The following ILKAP variants were observed in gnomAD, a reference collection of about 807,000 sequenced individuals.
The protein encoded by ILKAP is ILK associated serine/threonine phosphatase.
In ILKAP, 11 loss-of-function variants were observed where a neutral mutation model predicts 49.1. That is an observed-to-expected ratio of 0.22 (90% CI 0.14 to 0.37). ILKAP has a LOEUF of 0.37. ILKAP is among the 10% of genes least tolerant of loss of function. ILKAP has a pLI of 1.00. For synonymous variants in ILKAP, 186 were observed against 192.8 expected, an observed-to-expected ratio of 0.96 and a Z score of 0.29; for missense variants, 363 against 510.8, an observed-to-expected ratio of 0.71 and a Z score of 2.79.
At chr2:238,188,074 C>T in intron 5 of ILKAP, 57 bp downstream of exon 5, 1 of 1,588,756 alleles carries the variant, frequency 6.3e-7, no homozygotes, top group East Asian at 2.3e-5. Context: ...TCCAAAATGC[C>T]AGTCAGAACC....
intron 9 of ILKAP, among the ~76,000 whole-genome samples, chr2:238,174,176 G>A (rs1412485285): frequency 1.3e-5 from 2 of 152,180 alleles, no homozygotes; most frequent in South Asian, 2.1e-4. Context: ...GTACAGGTAC[G>A]GTTTAATGTT....
At chr2:238,187,453 T>TAATATATACTATTA (rs71043113) in intron 5 of ILKAP, among the ~76,000 whole-genome samples, 1 of 151,894 alleles carries the variant, frequency 6.6e-6, no homozygotes, top group African/African-American at 2.4e-5. Flanking sequence ...GTAACCTATG[T>TAATATATACTATTA]AATATGTACT....
At chr2:238,199,276 T>C (rs368224342) in intron 1 of ILKAP, among the ~76,000 whole-genome samples, 1 of 152,212 alleles carries the variant, frequency 6.6e-6, no homozygotes, top group East Asian at 1.9e-4. Context: ...ATCTGATACA[T>C]GTATTCCTGC....
intron 5 of ILKAP, chr2:238,185,517 G>A: frequency 2.4e-6 from 1 of 421,658 alleles, no homozygotes; most frequent in Admixed American, 4.0e-5. Flanking sequence ...AAATACTTGT[G>A]TGTGGGCCAG....
At chr2:238,198,520 T>C (rs1383756853) in intron 1 of ILKAP, among the ~76,000 whole-genome samples, 1 of 152,204 alleles carries the variant, frequency 6.6e-6, no homozygotes, top group Non-Finnish European at 1.5e-5. Context: ...ATTACAGATG[T>C]GACCCACTGC....
chr2:238,192,523 C>T (rs1694175437), intron 3 of ILKAP, among the ~76,000 whole-genome samples: 1 of 151,984 alleles, frequency 6.6e-6, no homozygotes, highest in African/African-American at 2.4e-5. Context: ...CATGGTGAAA[C>T]CCCATCTCTA....
chr2:238,193,550 G>T (rs1003549609), intron 3 of ILKAP, among the ~76,000 whole-genome samples: 2 of 152,166 alleles, frequency 1.3e-5, no homozygotes, highest in African/African-American at 4.8e-5. Flanking sequence ...TACAACTAAG[G>T]GTACTATCTT....
chr2:238,200,693 G>A (rs528987033), intron 1 of ILKAP, among the ~76,000 whole-genome samples: 19 of 152,120 alleles, frequency 1.2e-4, no homozygotes, highest in Non-Finnish European at 2.1e-4. Flanking sequence ...GTGGTGGTGC[G>A]CACCTGTAGT....
chr2:238,170,439 G>A lies in ILKAP; in HGVS notation c.*97C>T. ...AGAGAAACCTTTATTTACAACCATGGGAGTCCCACAGGAGTACACAAAACA... is the reference window on the plus strand; with the variant it reads ...AGAGAAACCTTTATTTACAACCATGAGAGTCCCACAGGAGTACACAAAACA... On this transcript the variant is annotated 3_prime_UTR_variant, in exon 12 of 12. Transcript: ENST00000254654. 7.7e-7 allele frequency: 1 copy of A among 1,298,278 alleles called. No homozygotes were observed. Among genetic ancestry groups the A allele is most frequent in the Non-Finnish European group, 1.1e-6 (1 of 948,012 alleles). 80.4% of individuals were successfully genotyped at this position (1,298,278 alleles called of 1,614,324 possible).
intron 3 of ILKAP, among the ~76,000 whole-genome samples, chr2:238,192,112 T>A (rs1694152211): frequency 1.3e-5 from 2 of 149,864 alleles, no homozygotes; most frequent in South Asian, 4.2e-4. Flanking sequence ...CTCGGGAGGC[T>A]TAGACAGGAA....
At chr2:238,181,963 G>C in intron 9 of ILKAP, 102 bp downstream of exon 9, 1 of 1,261,622 alleles carries the variant, frequency 7.9e-7, no homozygotes, top group East Asian at 2.4e-5. Context: ...TCGTCACACT[G>C]AAGACTACGT....
chr2:238,190,101 G>A, intron 3 of ILKAP, 129 bp from the exon 4 acceptor site: 1 of 919,816 alleles, frequency 1.1e-6, no homozygotes, highest in Non-Finnish European at 1.6e-6. Flanking sequence ...GACACAGGCA[G>A]ACCCAGGAGT....
rs147945674 is a variant in ILKAP, at chr2:238,189,657, G to A, written c.298+196C>T. On this transcript the variant is annotated intron_variant, in intron 4 of 11. Transcript: ENST00000254654. ...AGGTTTCCTATCTGATCAAAGGTAG[G>A]ATCAGAGATAGATGTACATGAAAAG... is the stretch of plus-strand genomic sequence containing the variant. 876 of 456,476 alleles carry A rather than the reference G, an allele frequency of 1.9e-3. 9 individuals are homozygous for A. Among genetic ancestry groups the A allele is most frequent in the African/African-American group, 0.017 (827 of 49,746 alleles). The allele number at this position is 456,476 out of a possible 1,614,324, so 28.3% of individuals were successfully genotyped here.
chr2:238,178,678 C>T (rs1367621765), intron 9 of ILKAP, among the ~76,000 whole-genome samples: 3 of 152,192 alleles, frequency 2.0e-5, no homozygotes, highest in African/African-American at 7.2e-5. Context: ...TGTTTCCTAG[C>T]TTTGCATGTC....
At chr2:238,173,825 G>A in intron 9 of ILKAP, 172 bp from the exon 10 acceptor site, 1 of 802,078 alleles carries the variant, frequency 1.2e-6, no homozygotes, top group South Asian at 1.8e-5. Flanking sequence ...GGGTGTCTAG[G>A]CCATTAACTG....
intron 5 of ILKAP, chr2:238,187,180 G>A (rs1174174032): frequency 6.6e-6 from 1 of 152,236 alleles, no homozygotes; most frequent in Non-Finnish European, 1.5e-5. Flanking sequence ...TTGAGCCTAG[G>A]AGGTCAAGCC....
At chr2:238,187,890 C>T (rs915799135) in intron 5 of ILKAP, among the ~76,000 whole-genome samples, 13 of 152,272 alleles carry the variant, frequency 8.5e-5, no homozygotes, top group Admixed American at 2.6e-4. Context: ...TACCAGCATC[C>T]CTAGTCTCTA....
At chr2:238,183,896 A>C in intron 7 of ILKAP, 124 bp downstream of exon 7, 1 of 944,884 alleles carries the variant, frequency 1.1e-6, no homozygotes, top group Non-Finnish European at 1.6e-6. Flanking sequence ...ACGGTTATAA[A>C]AGCTGAGTGC....
At chr2:238,180,167 CA>C (rs937999114) in intron 9 of ILKAP, among the ~76,000 whole-genome samples, 224 of 129,390 alleles carry the variant, frequency 1.7e-3, no homozygotes, top group Non-Finnish European at 1.8e-3. Flanking sequence ...TTCTCTCTCT[CA>C]AAAAAAAAAA....
Sources: gnomAD v4.1 joint callset for allele counts (sites outside exome capture counted in the v4.1 genomes callset) on GRCh38, gnomAD v4.1.1 for gene constraint, MANE v1.5 for transcripts, NCBI Gene and HGNC (gene_info 2026-07-23, HGNC 2026-07-21) for gene names.